LGR6: variants seen among roughly 807,000 people sequenced by gnomAD.
The protein encoded by LGR6 is leucine-rich repeat-containing G protein-coupled receptor 6.
In LGR6, 45 loss-of-function variants were observed where a neutral mutation model predicts 69.4. The ratio of observed to expected loss-of-function variants is 0.65; its 90% CI spans 0.51 to 0.83. The LOEUF is 0.83. LGR6 is among the 40% of genes least tolerant of loss of function. The probability of loss-of-function intolerance (pLI) is 0.00; values close to 1 mark genes in which losing one functional copy is unlikely to be tolerated. For synonymous variants in LGR6, 538 were observed against 555.0 expected (o/e 0.97, Z 0.43); for missense variants, 1,108 against 1,246.7 (o/e 0.89, Z 1.68).
intron 7 of LGR6, among the ~76,000 whole-genome samples, chr1:202,300,009 C>T (rs1667461496): frequency 6.6e-6 from 1 of 152,184 alleles, no homozygotes; most frequent in Non-Finnish European, 1.5e-5. Flanking sequence ...CATTCAGCGG[C>T]CCATTCCGCA....
At chr1:202,242,645 C>G (rs768812962) in intron 4 of LGR6, among the ~76,000 whole-genome samples, 1 of 152,174 alleles carries the variant, frequency 6.6e-6, no homozygotes, top group Non-Finnish European at 1.5e-5. Context: ...TGAACCCTTC[C>G]AGTCTCCTGG....
At chr1:202,249,716 A>G (rs1663068070) in intron 4 of LGR6, among the ~76,000 whole-genome samples, 1 of 152,176 alleles carries the variant, frequency 6.6e-6, no homozygotes, top group Admixed American at 6.5e-5. Context: ...CAATCAATCA[A>G]GTCCCAGTGA....
chr1:202,259,313 T>C (rs1240270525), intron 4 of LGR6, among the ~76,000 whole-genome samples: 2 of 152,180 alleles, frequency 1.3e-5, no homozygotes, highest in African/African-American at 4.8e-5. Context: ...TTTCTATCCC[T>C]GGAACAATTT....
intron 3 of LGR6, among the ~76,000 whole-genome samples, chr1:202,228,689 C>T (rs536547281): frequency 2.0e-5 from 3 of 152,232 alleles, no homozygotes; most frequent in African/African-American, 4.8e-5. Flanking sequence ...GACTGTCCTC[C>T]CAAAGCCTCC....
chr1:202,205,988 A>ACACC (rs1383935990), intron 1 of LGR6, among the ~76,000 whole-genome samples: 117 of 149,542 alleles, frequency 7.8e-4, no homozygotes, highest in Non-Finnish European at 1.4e-3. Flanking sequence ...ACACACACAC[A>ACACC]CCCCTAGTAT....
At chr1:202,297,647 G>T (rs1667260259) in intron 7 of LGR6, 71 bp downstream of exon 7, 2 of 1,257,294 alleles carry the variant, frequency 1.6e-6, no homozygotes, top group Non-Finnish European at 2.3e-6. Flanking sequence ...AGCCTGAGCT[G>T]CCTCATGCTC....
intron 4 of LGR6, among the ~76,000 whole-genome samples, chr1:202,239,210 G>T (rs1661928934): frequency 6.6e-6 from 1 of 152,144 alleles, no homozygotes; most frequent in East Asian, 1.9e-4. Flanking sequence ...CCTGCGCCTG[G>T]CGACTGGGCC....
At chr1:202,246,097 C>A (rs1432184015) in intron 4 of LGR6, among the ~76,000 whole-genome samples, 1 of 116,988 alleles carries the variant, frequency 8.5e-6, no homozygotes, top group African/African-American at 3.4e-5. Flanking sequence ...ATCCCCCATC[C>A]CTCCCTCCCT....
intron 7 of LGR6, among the ~76,000 whole-genome samples, chr1:202,300,510 C>T (rs932073478): frequency 3.9e-5 from 6 of 152,046 alleles, no homozygotes; most frequent in African/African-American, 1.5e-4. Flanking sequence ...AAAAAATTAG[C>T]GAGGTGCAGT....
At chr1:202,276,756 C>T (rs542566590) in intron 5 of LGR6, among the ~76,000 whole-genome samples, 4 of 152,236 alleles carry the variant, frequency 2.6e-5, no homozygotes, top group Non-Finnish European at 5.9e-5. Context: ...CACTAAAGGG[C>T]CAGGGTACTA....
chr1:202,285,969 C>T (rs1241163238), intron 6 of LGR6, among the ~76,000 whole-genome samples: 3 of 152,132 alleles, frequency 2.0e-5, no homozygotes, highest in Non-Finnish European at 4.4e-5. Context: ...GACTTGTAGA[C>T]CCATCACTCC....
intron 2 of LGR6, among the ~76,000 whole-genome samples, chr1:202,226,968 C>T (rs547719050): frequency 1.3e-5 from 2 of 152,274 alleles, no homozygotes; most frequent in East Asian, 3.9e-4. Context: ...TTGGACACGA[C>T]CTGAGAACTT....
intron 1 of LGR6, among the ~76,000 whole-genome samples, chr1:202,203,247 C>T (rs1385702722): frequency 6.6e-6 from 1 of 152,132 alleles, no homozygotes; most frequent in African/African-American, 2.4e-5. Flanking sequence ...CAAAGGCAGC[C>T]CCCACTAAGA....
chr1:202,246,527 T>C (rs1330757886), intron 4 of LGR6, among the ~76,000 whole-genome samples: 2 of 149,762 alleles, frequency 1.3e-5, no homozygotes, highest in African/African-American at 4.9e-5. Flanking sequence ...ACACAAGAGA[T>C]ACTGAGATAA....
At chr1:202,243,135 G>A in intron 4 of LGR6, among the ~76,000 whole-genome samples, 1 of 152,340 alleles carries the variant, frequency 6.6e-6, no homozygotes, top group East Asian at 1.9e-4. Flanking sequence ...TGAGAGGGCT[G>A]AATGAGATGA....
At chr1:202,302,968 A>G (rs766888112) in intron 9 of LGR6, among the ~76,000 whole-genome samples, 2 of 152,184 alleles carry the variant, frequency 1.3e-5, no homozygotes, top group Non-Finnish European at 2.9e-5. Flanking sequence ...GCTGTTGTCT[A>G]TTAACCAGAG....
chr1:202,301,624 G>A (rs1349443480), intron 9 of LGR6, among the ~76,000 whole-genome samples: 1 of 152,174 alleles, frequency 6.6e-6, no homozygotes, highest in Non-Finnish European at 1.5e-5. Context: ...AGATCCCTGG[G>A]CACTTTGCTG....
intron 5 of LGR6, among the ~76,000 whole-genome samples, chr1:202,278,583 A>G (rs1263399528): frequency 2.6e-5 from 4 of 152,024 alleles, no homozygotes. Flanking sequence ...CATGGGATGG[A>G]GGAGAGAGGC....
chr1:202,295,369 T>C (rs989066593), intron 6 of LGR6, among the ~76,000 whole-genome samples: 5 of 150,936 alleles, frequency 3.3e-5, no homozygotes, highest in African/African-American at 4.9e-5. Flanking sequence ...ATAAAGATAC[T>C]TCCATGTCAT....
Sources: allele counts gnomAD v4.1 joint callset (sites outside exome capture counted in the v4.1 genomes callset), GRCh38; gene constraint gnomAD v4.1.1; transcripts MANE v1.5; gene names NCBI Gene and HGNC (gene_info 2026-07-23, HGNC 2026-07-21).